Variants in MAF observed in about 807,000 individuals in gnomAD.
MAF encodes the protein transcription factor Maf.
Under a neutral mutation model 22.0 loss-of-function variants are expected in MAF, and 10 were observed. That is an observed-to-expected ratio of 0.45 (90% CI 0.28 to 0.77). The LOEUF is 0.77. Among genes scored for constraint, MAF ranks in the 30% least tolerant of loss-of-function variants. The probability of loss-of-function intolerance (pLI) is 0.12; values close to 1 mark genes in which losing one functional copy is unlikely to be tolerated. For missense variants in MAF, 544 were observed against 548.4 expected, an observed-to-expected ratio of 0.99 and a Z score of 0.08; for synonymous variants, 337 against 255.8, an observed-to-expected ratio of 1.32 and a Z score of -3.03.
chr16:79,512,959 T>C, the MAF span, among the ~76,000 whole-genome samples: 1 of 152,124 alleles, frequency 6.6e-6, no homozygotes, highest in Non-Finnish European at 1.5e-5. Context: ...AGGGGCTGAG[T>C]TGCAACACAA....
the MAF span, among the ~76,000 whole-genome samples, chr16:79,490,323 C>T: frequency 2.0e-5 from 3 of 152,118 alleles, no homozygotes; most frequent in Admixed American, 1.3e-4. Context: ...AAACATCACC[C>T]CAGAGACTGA....
chr16:79,276,573 G>T, the MAF span, among the ~76,000 whole-genome samples: 1 of 152,160 alleles, frequency 6.6e-6, no homozygotes, highest in Non-Finnish European at 1.5e-5. Flanking sequence ...GATGGGTATT[G>T]CAAGTGAAGG....
chr16:79,369,401 G>A, the MAF span, among the ~76,000 whole-genome samples: 1 of 152,158 alleles, frequency 6.6e-6, no homozygotes, highest in Non-Finnish European at 1.5e-5. Context: ...TCTATTACAT[G>A]ACACTATCTG....
chr16:79,272,004 A>G, the MAF span, among the ~76,000 whole-genome samples: 1 of 152,298 alleles, frequency 6.6e-6, no homozygotes, highest in East Asian at 1.9e-4. Context: ...CAAATTCTCC[A>G]AATAGGTCCG....
At chr16:79,361,723 T>TATAAAC in the MAF span, among the ~76,000 whole-genome samples, 111 of 151,960 alleles carry the variant, frequency 7.3e-4, no homozygotes, top group Admixed American at 1.2e-3. Context: ...TTTGGTGGTC[T>TATAAAC]TTCATCTCCC....
the MAF span, among the ~76,000 whole-genome samples, chr16:79,280,278 G>A: frequency 2.0e-5 from 3 of 152,256 alleles, no homozygotes; most frequent in East Asian, 5.8e-4. Context: ...GCCGGGAGAA[G>A]AGAGGTCTGG....
chr16:79,344,003 T>C, the MAF span, among the ~76,000 whole-genome samples: 1 of 152,214 alleles, frequency 6.6e-6, no homozygotes, highest in East Asian at 1.9e-4. Flanking sequence ...CCTGGTCCAG[T>C]GAGTGTCATT....
At chr16:79,526,644 GCAAAAAACAAAACAAAACAACAACAA>G in the MAF span, among the ~76,000 whole-genome samples, 1 of 152,002 alleles carries the variant, frequency 6.6e-6, no homozygotes, top group East Asian at 1.9e-4. Context: ...GCTTTCCGGG[GCAAAAAACAAAACAAAACAACAACAA>G]CAAAAAACAA....
chr16:79,514,545 A>T, the MAF span, among the ~76,000 whole-genome samples: 1 of 152,162 alleles, frequency 6.6e-6, no homozygotes, highest in Non-Finnish European at 1.5e-5. Flanking sequence ...TTTCCTAAGC[A>T]TTTCCCTGCA....
At chr16:79,421,260 C>T in the MAF span, among the ~76,000 whole-genome samples, 2 of 152,170 alleles carry the variant, frequency 1.3e-5, no homozygotes, top group Non-Finnish European at 2.9e-5. Context: ...TGTGGATAAG[C>T]GCTGGCTGCT....
the MAF span, among the ~76,000 whole-genome samples, chr16:79,472,552 A>G: frequency 6.6e-6 from 1 of 152,148 alleles, no homozygotes; most frequent in Non-Finnish European, 1.5e-5. Flanking sequence ...ATCTCTTTAA[A>G]ATGTCCACTG....
the MAF span, among the ~76,000 whole-genome samples, chr16:79,398,138 G>C: frequency 6.6e-6 from 1 of 152,086 alleles, no homozygotes; most frequent in Non-Finnish European, 1.5e-5. Flanking sequence ...TCCTTGGCTT[G>C]TGGCTCCTTG....
the MAF span, among the ~76,000 whole-genome samples, chr16:79,415,892 G>A: frequency 1.3e-5 from 2 of 151,924 alleles, no homozygotes; most frequent in South Asian, 4.2e-4. Flanking sequence ...CTCTCCAGGG[G>A]CCATACTCTT....
the MAF span, among the ~76,000 whole-genome samples, chr16:79,387,471 T>C: frequency 6.6e-6 from 1 of 152,096 alleles, no homozygotes; most frequent in African/African-American, 2.4e-5. Flanking sequence ...CAGTGGGAAG[T>C]TATTAGTGTC....
At chr16:79,563,120 G>T in the MAF span, among the ~76,000 whole-genome samples, 1 of 152,108 alleles carries the variant, frequency 6.6e-6, no homozygotes, top group African/African-American at 2.4e-5. Flanking sequence ...AGGATTTATC[G>T]TACGGGCTGA....
the MAF span, among the ~76,000 whole-genome samples, chr16:79,558,083 T>C: frequency 1.3e-5 from 2 of 151,948 alleles, no homozygotes; most frequent in Non-Finnish European, 2.9e-5. Context: ...GATCACTGAA[T>C]TGAGCAAACC....
chr16:79,266,210 G>C, the MAF span, among the ~76,000 whole-genome samples: 1 of 152,058 alleles, frequency 6.6e-6, no homozygotes, highest in African/African-American at 2.4e-5. Context: ...CAAAGCTGGA[G>C]GGAGCAGGAT....
At chr16:79,209,262 G>C in the MAF span, among the ~76,000 whole-genome samples, 4 of 152,204 alleles carry the variant, frequency 2.6e-5, no homozygotes, top group African/African-American at 9.6e-5. Context: ...CCCAGCTCCT[G>C]CAACAATGGC....
the MAF span, among the ~76,000 whole-genome samples, chr16:79,554,958 C>T: frequency 6.6e-6 from 1 of 152,186 alleles, no homozygotes; most frequent in African/African-American, 2.4e-5. Context: ...CTGGCTTCCT[C>T]TGAGCCTACA....
Sources: allele counts gnomAD v4.1 joint callset (sites outside exome capture counted in the v4.1 genomes callset), GRCh38; gene constraint gnomAD v4.1.1; transcripts MANE v1.5; gene names NCBI Gene and HGNC (gene_info 2026-07-23, HGNC 2026-07-21).